The following KSR2 variants were observed in gnomAD, a reference collection of about 807,000 sequenced individuals.
KSR2 encodes kinase suppressor of ras 2.
Under a neutral mutation model 107.8 loss-of-function variants are expected in KSR2, and 25 were observed. The ratio of observed to expected loss-of-function variants is 0.23; its 90% CI spans 0.17 to 0.32. The LOEUF (loss-of-function observed/expected upper bound fraction) is 0.32, where lower values mean the gene tolerates loss of function less well. KSR2 is among the 10% of genes least tolerant of loss of function. KSR2 has a pLI of 1.00. For missense variants in KSR2, 887 were observed against 1,268.9 expected, an observed-to-expected ratio of 0.70 and a Z score of 4.57; for synonymous variants, 480 against 507.0, an observed-to-expected ratio of 0.95 and a Z score of 0.71.
At chr12:117,716,225 A>G (rs1186327797) in intron 4 of KSR2, among the ~76,000 whole-genome samples, 4 of 152,248 alleles carry the variant, frequency 2.6e-5, no homozygotes, top group Admixed American at 6.5e-5. Flanking sequence ...TTTTATCCTC[A>G]GCATCTGGCA....
At chr12:117,893,105 C>T (rs990911363) in intron 1 of KSR2, among the ~76,000 whole-genome samples, 2 of 150,822 alleles carry the variant, frequency 1.3e-5, no homozygotes, top group Non-Finnish European at 2.9e-5. Context: ...GCAGCCTTAA[C>T]CTCCCAGGCT....
chr12:117,891,408 C>T (rs1894336290), intron 1 of KSR2, among the ~76,000 whole-genome samples: 1 of 145,582 alleles, frequency 6.9e-6, no homozygotes, highest in Admixed American at 6.9e-5. Flanking sequence ...AAGAGCGAGA[C>T]TCCATCTCAA....
chr12:117,643,051 G>A (rs1435046141), intron 5 of KSR2, among the ~76,000 whole-genome samples: 2 of 152,214 alleles, frequency 1.3e-5, no homozygotes, highest in African/African-American at 4.8e-5. Flanking sequence ...CCAATCTAGA[G>A]AAATGGTTTC....
At chr12:117,791,947 C>T (rs1274988414) in intron 3 of KSR2, among the ~76,000 whole-genome samples, 1 of 152,284 alleles carries the variant, frequency 6.6e-6, no homozygotes, top group East Asian at 1.9e-4. Context: ...CAGCACTATG[C>T]CCACAATGAG....
intron 1 of KSR2, among the ~76,000 whole-genome samples, chr12:117,891,806 G>A (rs1894350964): frequency 6.6e-6 from 1 of 151,348 alleles, no homozygotes; most frequent in Admixed American, 6.6e-5. Context: ...GGGCAACACA[G>A]GGAGACCCTG....
chr12:117,553,760 C>A (rs1180739685), intron 9 of KSR2, among the ~76,000 whole-genome samples: 1 of 151,998 alleles, frequency 6.6e-6, no homozygotes, highest in Non-Finnish European at 1.5e-5. Flanking sequence ...AGTGAGTTAT[C>A]CCTCTATTAA....
intron 4 of KSR2, among the ~76,000 whole-genome samples, chr12:117,690,308 A>G (rs1885759401): frequency 6.6e-6 from 1 of 152,234 alleles, no homozygotes; most frequent in Admixed American, 6.5e-5. Flanking sequence ...TTACACCTGT[A>G]ATCTCAGTAC....
chr12:117,613,457 C>T (rs1881711173), intron 5 of KSR2, among the ~76,000 whole-genome samples: 1 of 152,130 alleles, frequency 6.6e-6, no homozygotes, highest in Non-Finnish European at 1.5e-5. Context: ...TGTGGTTTTG[C>T]CACCCGAGGC....
chr12:117,891,366 AG>A (rs764085555), intron 1 of KSR2, among the ~76,000 whole-genome samples: 201 of 151,984 alleles, frequency 1.3e-3, no homozygotes, highest in Middle Eastern at 3.4e-3. Flanking sequence ...CAGTGAGCCA[AG>A]ATTGTGTCAC....
At position 117,463,575 on chromosome 12, in the gene KSR2, G is replaced by A. The variant is rs967668567; in HGVS notation, c.*3624C>T. ...TTGTTTATTGACATGAAATTTGAAT[G>A]TTATAGAATTTTCATGTCATGAAAT... On this transcript the variant is annotated 3_prime_UTR_variant, in exon 20 of 20. Coordinates refer to ENST00000339824, the MANE Select transcript of KSR2 (RefSeq NM_173598.6). 2 of 152,162 alleles carry A rather than the reference G, an allele frequency of 1.3e-5. No homozygotes were observed. Among genetic ancestry groups the A allele is most frequent in the African/African-American group, 4.8e-5 (2 of 41,446 alleles). The allele number at this position is 152,162 out of a possible 1,614,324, so 9.4% of individuals were successfully genotyped here.
At chr12:117,751,552 T>C (rs1412580616) in intron 4 of KSR2, among the ~76,000 whole-genome samples, 1 of 152,194 alleles carries the variant, frequency 6.6e-6, no homozygotes, top group African/African-American at 2.4e-5. Flanking sequence ...GGAATGGATC[T>C]GAAATATCTA....
chr12:117,624,523 A>G (rs1178207534), intron 5 of KSR2, among the ~76,000 whole-genome samples: 3 of 152,156 alleles, frequency 2.0e-5, no homozygotes, highest in Non-Finnish European at 2.9e-5. Flanking sequence ...CAAAGATTAG[A>G]TGGTTATAGA....
At chr12:117,829,256 C>T (rs1195614347) in intron 3 of KSR2, among the ~76,000 whole-genome samples, 1 of 152,114 alleles carries the variant, frequency 6.6e-6, no homozygotes. Context: ...CAGGTTTTTC[C>T]GTATGCCTGA....
intron 1 of KSR2, among the ~76,000 whole-genome samples, chr12:117,929,691 G>A (rs1895643367): frequency 6.6e-6 from 1 of 152,226 alleles, no homozygotes; most frequent in Non-Finnish European, 1.5e-5. Flanking sequence ...AAGGAATGAA[G>A]TAGTGATATG....
chr12:117,864,137 G>A (rs1478976507), intron 1 of KSR2, among the ~76,000 whole-genome samples: 1 of 152,124 alleles, frequency 6.6e-6, no homozygotes, highest in Non-Finnish European at 1.5e-5. Flanking sequence ...GAGGAGAGGG[G>A]AGGGGCTGAG....
chr12:117,719,415 T>C (rs568207135), intron 4 of KSR2, among the ~76,000 whole-genome samples: 10 of 152,338 alleles, frequency 6.6e-5, no homozygotes, highest in Admixed American at 6.5e-4. Flanking sequence ...AGACTGGTCC[T>C]GAACTCCTGA....
chr12:117,818,042 A>G (rs1891435212), intron 3 of KSR2, among the ~76,000 whole-genome samples: 1 of 152,122 alleles, frequency 6.6e-6, no homozygotes, highest in African/African-American at 2.4e-5. Context: ...CAGAGGTTGC[A>G]GTGAGCCAAG....
intron 5 of KSR2, among the ~76,000 whole-genome samples, chr12:117,593,734 T>C (rs545971504): frequency 8.5e-5 from 13 of 152,232 alleles, no homozygotes; most frequent in Non-Finnish European, 1.5e-4. Context: ...TACCTGGCAA[T>C]AGTAGGTGTG....
chr12:117,531,574 C>T, intron 11 of KSR2, 92 bp downstream of exon 11: 1 of 1,088,842 alleles, frequency 9.2e-7, no homozygotes, highest in Non-Finnish European at 1.4e-6. Flanking sequence ...CTTAGGCACC[C>T]CCACAACATC....
Sources: gnomAD v4.1 joint callset for allele counts (sites outside exome capture counted in the v4.1 genomes callset) on GRCh38, gnomAD v4.1.1 for gene constraint, MANE v1.5 for transcripts, NCBI Gene and HGNC (gene_info 2026-07-23, HGNC 2026-07-21) for gene names.